VAX2: variants seen among roughly 807,000 people sequenced by gnomAD.
VAX2 encodes ventral anterior homeobox 2.
VAX2 carries 8 observed loss-of-function variants against 12.5 expected under a neutral mutation model. The ratio of observed to expected loss-of-function variants is 0.64; its 90% CI spans 0.37 to 1.15. The LOEUF is 1.15. VAX2 is among the 50% of genes most tolerant of loss of function. The pLI is 0.01. For synonymous variants in VAX2, 183 were observed against 187.6 expected, an observed-to-expected ratio of 0.98 and a Z score of 0.20; for missense variants, 476 against 412.9, an observed-to-expected ratio of 1.15 and a Z score of -1.32.
chr2:70,900,961 A>G lies in VAX2; in HGVS notation c.247+93A>G, dbSNP rs2234497. ...AGCTGCAGCTGACACCTCTCAATTC[A>G]TATATTCATTCATTCGTCATCCAGT... On this transcript the variant is annotated intron_variant, in intron 1 of 2. Transcript: ENST00000234392. 2.1e-3 allele frequency: 2,396 copies of G among 1,141,698 alleles called. 40 individuals are homozygous for G. In the African/African-American group the frequency reaches 0.035, roughly 17 times the overall value. 70.7% of individuals were successfully genotyped at this position (1,141,698 alleles called of 1,614,324 possible).
intron 2 of VAX2, among the ~76,000 whole-genome samples, chr2:70,928,688 C>T (rs538488722): frequency 8.4e-4 from 128 of 152,278 alleles, no homozygotes; most frequent in African/African-American, 3.0e-3. Context: ...TACGAATTGC[C>T]CTCTGTTTTT....
chr2:70,930,164 C>G (rs1174811358), intron 2 of VAX2, among the ~76,000 whole-genome samples: 1 of 152,204 alleles, frequency 6.6e-6, no homozygotes, highest in Non-Finnish European at 1.5e-5. Flanking sequence ...CACTAGTGTA[C>G]TGCAGCCCAG....
chr2:70,910,750 C>G (rs868979813), intron 1 of VAX2, among the ~76,000 whole-genome samples: 9 of 148,656 alleles, frequency 6.1e-5, no homozygotes, highest in Middle Eastern at 3.2e-3. Flanking sequence ...TTTTCTGTGA[C>G]ATGTATTGCA....
At chr2:70,901,731 G>T (rs1553409807) in intron 1 of VAX2, among the ~76,000 whole-genome samples, 1 of 152,190 alleles carries the variant, frequency 6.6e-6, no homozygotes, top group East Asian at 1.9e-4. Flanking sequence ...GCTTTCCCTC[G>T]ATCTGGGCCT....
intron 1 of VAX2, among the ~76,000 whole-genome samples, chr2:70,910,690 T>C (rs971934841): frequency 2.0e-5 from 3 of 151,954 alleles, no homozygotes; most frequent in African/African-American, 7.2e-5. Context: ...GATCACTAAT[T>C]GTTTTCTCAT....
At chr2:70,921,056 C>A in intron 1 of VAX2, 42 bp from the exon 2 acceptor site, 1 of 1,503,690 alleles carries the variant, frequency 6.7e-7, no homozygotes, top group Non-Finnish European at 8.9e-7. Context: ...ATCTAACTCC[C>A]TAGCTAATGA....
intron 1 of VAX2, among the ~76,000 whole-genome samples, chr2:70,920,262 A>G (rs1679422893): frequency 6.6e-6 from 1 of 152,248 alleles, no homozygotes; most frequent in Non-Finnish European, 1.5e-5. Context: ...TCAAGCCATC[A>G]GTATATGTGG....
chr2:70,925,780 G>T (rs1679558102), intron 2 of VAX2, among the ~76,000 whole-genome samples: 1 of 152,140 alleles, frequency 6.6e-6, no homozygotes, highest in Non-Finnish European at 1.5e-5. Context: ...GGAAGCCAAA[G>T]GCTCTTTTGG....
At chr2:70,901,798 C>T (rs1390035412) in intron 1 of VAX2, among the ~76,000 whole-genome samples, 21 of 152,240 alleles carry the variant, frequency 1.4e-4, no homozygotes, top group African/African-American at 4.8e-4. Context: ...CAGCCCGACC[C>T]CAGGCCGCGG....
intron 1 of VAX2, 96 bp downstream of exon 1, chr2:70,900,964 T>C: frequency 8.9e-7 from 1 of 1,121,020 alleles, no homozygotes; most frequent in South Asian, 3.1e-5. Flanking sequence ...TCAATTCATA[T>C]ATTCATTCAT....
chr2:70,914,803 A>ATTT (rs34964280), intron 1 of VAX2, among the ~76,000 whole-genome samples: 16 of 140,678 alleles, frequency 1.1e-4, no homozygotes, highest in Middle Eastern at 3.6e-3. Flanking sequence ...ATTTACTTAA[A>ATTT]TTTTTTTTTT....
intron 1 of VAX2, among the ~76,000 whole-genome samples, chr2:70,912,587 G>A (rs557747226): frequency 8.5e-5 from 13 of 152,264 alleles, no homozygotes; most frequent in African/African-American, 2.2e-4. Context: ...GCTTGAACCC[G>A]GGAGGCGGAG....
intron 1 of VAX2, among the ~76,000 whole-genome samples, chr2:70,911,057 C>CA (rs1679171441): frequency 1.3e-5 from 2 of 151,972 alleles, no homozygotes; most frequent in Admixed American, 1.3e-4. Flanking sequence ...TAAAGAAAGA[C>CA]AAAAAATGAG....
chr2:70,917,294 C>T (rs138386263), intron 1 of VAX2, among the ~76,000 whole-genome samples: 185 of 151,054 alleles, frequency 1.2e-3, no homozygotes, highest in Middle Eastern at 0.01. Context: ...TGCACTCCAG[C>T]CTGGGGGATA....
At chr2:70,901,110 C>G (rs1194560645) in intron 1 of VAX2, among the ~76,000 whole-genome samples, 1 of 152,274 alleles carries the variant, frequency 6.6e-6, no homozygotes, top group African/African-American at 2.4e-5. Context: ...GGCCAGTCCC[C>G]TAGTTCTAGG....
intron 2 of VAX2, among the ~76,000 whole-genome samples, chr2:70,921,692 G>A (rs1217274894): frequency 6.6e-6 from 1 of 151,824 alleles, no homozygotes; most frequent in East Asian, 1.9e-4. Flanking sequence ...AAATTGGGCT[G>A]GGGACCTCTC....
Position 70,921,089 on chromosome 2 carries a change from C to A in VAX2, c.248-9C>A, listed in dbSNP as rs201783271. ...TGAACTAAGCTGGCTCCTTTCATGG[C>A]CTCTGCAGATGCCAAAGGGACAATT... On this transcript the variant is annotated splice_polypyrimidine_tract_variant and intron_variant, in intron 1 of 2. Coordinates refer to ENST00000234392, the MANE Select transcript of VAX2 (RefSeq NM_012476.3). The A allele has an allele frequency of 3.8e-6, 6 of 1,579,434 alleles. No homozygotes were observed. Among genetic ancestry groups the A allele is most frequent in the Non-Finnish European group, 5.2e-6 (6 of 1,162,838 alleles).
Position 70,933,264 on chromosome 2 carries a change from A to C in VAX2, c.*60A>C. On this transcript the variant is annotated 3_prime_UTR_variant, in exon 3 of 3. Coordinates refer to ENST00000234392, the MANE Select transcript of VAX2 (RefSeq NM_012476.3). ...GCACCTTCCCAGTCTCCTGTGCCCC[A>C]GCGGACAGCACTGAGCAGGCCCCGG... 1 of 1,442,554 alleles carries C rather than the reference A, an allele frequency of 6.9e-7. No individual in the cohort carries two copies. Among genetic ancestry groups the C allele is most frequent in the Non-Finnish European group, 9.2e-7 (1 of 1,091,952 alleles). 89.4% of individuals were successfully genotyped at this position (1,442,554 alleles called of 1,614,324 possible).
At chr2:70,924,986 C>T (rs1223407743) in intron 2 of VAX2, among the ~76,000 whole-genome samples, 1 of 152,044 alleles carries the variant, frequency 6.6e-6, no homozygotes, top group African/African-American at 2.4e-5. Flanking sequence ...GCCTGAGTGG[C>T]AAGGGAGAAA....
Sources: gnomAD v4.1 joint callset for allele counts (sites outside exome capture counted in the v4.1 genomes callset) on GRCh38, gnomAD v4.1.1 for gene constraint, MANE v1.5 for transcripts, NCBI Gene and HGNC (gene_info 2026-07-23, HGNC 2026-07-21) for gene names.